The following PHYHIPL variants were observed in gnomAD, a reference collection of about 807,000 sequenced individuals.
The protein encoded by PHYHIPL is phytanoyl-CoA 2-hydroxylase interacting protein like.
A neutral mutation model predicts 33.4 loss-of-function variants in PHYHIPL; 9 were observed. The observed-to-expected ratio is 0.27, with a 90% CI of 0.16 to 0.47. The LOEUF (loss-of-function observed/expected upper bound fraction) is 0.47. Among genes scored for constraint, PHYHIPL ranks in the 20% least tolerant of loss-of-function variants. PHYHIPL has a pLI of 0.99. For missense variants in PHYHIPL, 365 were observed against 460.7 expected (o/e 0.79, Z 1.90); for synonymous variants, 153 against 154.1 (o/e 0.99, Z 0.05).
At chr10:59,188,489 G>T (rs569161902) in intron 1 of PHYHIPL, among the ~76,000 whole-genome samples, 3 of 152,188 alleles carry the variant, frequency 2.0e-5, no homozygotes, top group African/African-American at 7.2e-5. Flanking sequence ...GGTCCGCTTG[G>T]TGCAGAGCTG....
At chr10:59,231,008 C>T (rs977263900) in intron 1 of PHYHIPL, among the ~76,000 whole-genome samples, 2 of 151,916 alleles carry the variant, frequency 1.3e-5, no homozygotes, top group African/African-American at 4.8e-5. Context: ...TCTTATCAGA[C>T]TTGAGGTCAC....
At chr10:59,198,294 C>G (rs942837030) in intron 1 of PHYHIPL, among the ~76,000 whole-genome samples, 1 of 151,572 alleles carries the variant, frequency 6.6e-6, no homozygotes, top group African/African-American at 2.4e-5. Context: ...TGAGTGAGAA[C>G]ATGCGGTGTT....
chr10:59,236,347 C>T (rs2133289501), intron 2 of PHYHIPL, 136 bp from the exon 3 acceptor site: 5 of 458,674 alleles, frequency 1.1e-5, no homozygotes, highest in South Asian at 5.8e-5. Flanking sequence ...CCTTCCTTCC[C>T]TCCCTCCTTC....
chr10:59,208,467 A>G (rs183552832), intron 1 of PHYHIPL, among the ~76,000 whole-genome samples: 1 of 152,312 alleles, frequency 6.6e-6, no homozygotes, highest in Non-Finnish European at 1.5e-5. Flanking sequence ...GAAGATGAGG[A>G]AAAACCAGCG....
Position 59,245,792 on chromosome 10 carries a change from T to C in PHYHIPL, c.*201T>C. On this transcript the variant is annotated 3_prime_UTR_variant, in exon 5 of 5. Transcript: ENST00000373880. ...TCCCTACCCCTCCCACTACTTTCAA[T>C]GATGAAATACCCTAAGTTAAGTTCT... 1.8e-6 allele frequency: 1 copy of C among 549,690 alleles called. No individual in the cohort carries two copies. The highest frequency in any genetic ancestry group is 3.1e-6 in the Non-Finnish European group (1 of 318,262). 34.1% of individuals were successfully genotyped at this position (549,690 alleles called of 1,614,324 possible).
Position 59,192,446 on chromosome 10 carries a change from T to A in PHYHIPL, c.106+15487T>A, listed in dbSNP as rs558959123. On this transcript the variant is annotated intron_variant, in intron 1 of 4. Transcript: ENST00000373880. ...GCATTTCTAACAAATTTCTAGGGGA[T>A]GTTGGTGTTGGTGATCCAGGGTCCA... 5.3e-5 allele frequency among the ~76,000 whole-genome samples: 8 copies of A among 152,200 alleles called. No homozygotes were observed. In the South Asian group the frequency reaches 1.7e-3, roughly 32 times the overall value.
intron 2 of PHYHIPL, 47 bp from the exon 3 acceptor site, chr10:59,236,436 T>C (rs1460345751): frequency 3.2e-6 from 4 of 1,254,252 alleles, no homozygotes; most frequent in Non-Finnish European, 4.3e-6. Context: ...TTCGTCCCTC[T>C]CTGTCTCCCC....
At position 59,246,828 on chromosome 10, in the gene PHYHIPL, C is replaced by G; in HGVS notation, c.*1237C>G. 1 of 386,458 alleles carries G rather than the reference C, an allele frequency of 2.6e-6. No homozygotes were observed. The highest frequency in any genetic ancestry group is 4.6e-6 in the Non-Finnish European group (1 of 218,540). The allele number at this position is 386,458 out of a possible 1,614,324, so 23.9% of individuals were successfully genotyped here. A position where few individuals can be genotyped will look rare whatever the true frequency, so the allele number is the denominator to read the frequency against. ...GTAAACCAAAAGATTAGCAATAATA[C>G]TATGGACACATTAGATTATATACTA... On this transcript the variant is annotated 3_prime_UTR_variant, in exon 5 of 5. Transcript: ENST00000373880.
At chr10:59,204,245 T>G (rs1283775147) in intron 1 of PHYHIPL, among the ~76,000 whole-genome samples, 1 of 152,214 alleles carries the variant, frequency 6.6e-6, no homozygotes, top group Non-Finnish European at 1.5e-5. Context: ...GCTAGGAGAC[T>G]AGACCTTAAG....
Position 59,238,681 on chromosome 10 carries a change from A to C in PHYHIPL, c.572A>C (p.His191Pro). 1 of 1,592,260 alleles carries C rather than the reference A, an allele frequency of 6.3e-7. No individual in the cohort carries two copies. Among genetic ancestry groups the C allele is most frequent in the Non-Finnish European group, 8.6e-7 (1 of 1,160,702 alleles). Residue 191 changes from histidine to proline, a missense_variant, in exon 4 of 5, where the codon CAC becomes CCC. This residue lies in a region of PHYHIPL where 196 missense variants were observed against 224.9 expected (regional missense o/e 0.87). Coordinates refer to ENST00000373880, the MANE Select transcript of PHYHIPL (RefSeq NM_032439.4). ...TTTTCTGTTTTTTATCGTAATCAGC[A>C]CAAAGAATATTTTGACTATGTTCGG... ...LKFSVFYRNQ[H>P]KEYFDYVREH...
intron 1 of PHYHIPL, chr10:59,177,563 C>A (rs1368521377): frequency 5.2e-6 from 8 of 1,551,678 alleles, no homozygotes; most frequent in Non-Finnish European, 7.0e-6. Flanking sequence ...GGCTCTGAGT[C>A]AGACTGTCGA....
chr10:59,211,331 C>G (rs772724114), intron 1 of PHYHIPL, among the ~76,000 whole-genome samples: 13 of 152,074 alleles, frequency 8.5e-5, no homozygotes, highest in Non-Finnish European at 1.5e-5. Context: ...GAGCTGTGAT[C>G]AGGCCATTGC....
At chr10:59,213,822 TAA>T (rs1158694992) in intron 1 of PHYHIPL, among the ~76,000 whole-genome samples, 1 of 152,178 alleles carries the variant, frequency 6.6e-6, no homozygotes, top group Non-Finnish European at 1.5e-5. Context: ...CAATCAGTGT[TAA>T]AGTTTGAGGA....
chr10:59,198,207 C>T (rs1430486555), intron 1 of PHYHIPL, among the ~76,000 whole-genome samples: 1 of 152,068 alleles, frequency 6.6e-6, no homozygotes, highest in Non-Finnish European at 1.5e-5. Flanking sequence ...TCCCCCCTAC[C>T]CCCACCCCAT....
chr10:59,207,620 G>T (rs1021757829), intron 1 of PHYHIPL, among the ~76,000 whole-genome samples: 1 of 152,144 alleles, frequency 6.6e-6, no homozygotes, highest in Non-Finnish European at 1.5e-5. Flanking sequence ...GGCCAGGCAC[G>T]GTGGCTCACA....
chr10:59,235,409 G>A (rs1264821151), intron 2 of PHYHIPL, among the ~76,000 whole-genome samples: 3 of 151,782 alleles, frequency 2.0e-5, no homozygotes, highest in African/African-American at 7.2e-5. Flanking sequence ...CACTGATGAT[G>A]AAAATCTGGT....
At chr10:59,219,619 G>A (rs1437819164) in intron 1 of PHYHIPL, among the ~76,000 whole-genome samples, 1 of 152,042 alleles carries the variant, frequency 6.6e-6, no homozygotes, top group African/African-American at 2.4e-5. Flanking sequence ...CTTGATAATT[G>A]ATGTTATTTT....
At chr10:59,214,251 A>G (rs1378802093) in intron 1 of PHYHIPL, among the ~76,000 whole-genome samples, 1 of 152,156 alleles carries the variant, frequency 6.6e-6, no homozygotes, top group African/African-American at 2.4e-5. Flanking sequence ...GTTATGACAC[A>G]AAACTCTAAA....
intron 1 of PHYHIPL, among the ~76,000 whole-genome samples, chr10:59,186,570 T>C: frequency 6.6e-6 from 1 of 152,202 alleles, no homozygotes; most frequent in Non-Finnish European, 1.5e-5. Context: ...ATGGCCATTT[T>C]CACGATATTG....
Sources: gnomAD v4.1 joint callset for allele counts (sites outside exome capture counted in the v4.1 genomes callset) on GRCh38, gnomAD v4.1.1 for gene constraint, gnomAD v4.1.1 regional missense constraint, MANE v1.5 for transcripts, NCBI Gene and HGNC (gene_info 2026-07-23, HGNC 2026-07-21) for gene names.